Variants in LPP observed in about 807,000 individuals in gnomAD.
The protein encoded by LPP is LIM domain containing preferred translocation partner in lipoma.
In LPP, 38 loss-of-function variants were observed where a neutral mutation model predicts 60.4. The observed-to-expected ratio is 0.63, with a 90% confidence interval of 0.49 to 0.83. The LOEUF (loss-of-function observed/expected upper bound fraction) is 0.83, where lower values mean the gene tolerates loss of function less well. Among genes scored for constraint, LPP ranks in the 40% least tolerant of loss-of-function variants. LPP has a pLI of 0.00. For missense variants in LPP, 902 were observed against 783.6 expected, an observed-to-expected ratio of 1.15 and a Z score of -1.80; for synonymous variants, 328 against 290.8, an observed-to-expected ratio of 1.13 and a Z score of -1.30.
At chr3:188,347,044 A>G (rs914671278) in intron 3 of LPP, among the ~76,000 whole-genome samples, 27 of 152,240 alleles carry the variant, frequency 1.8e-4, no homozygotes, top group Non-Finnish European at 3.8e-4. Flanking sequence ...ATTATTGTAT[A>G]TAATCCTATA....
chr3:188,846,982 TC>T (rs1209817086), intron 9 of LPP, among the ~76,000 whole-genome samples: 9 of 152,290 alleles, frequency 5.9e-5, no homozygotes, highest in Non-Finnish European at 1.3e-4. Context: ...TGCCCTGAGG[TC>T]AGATACCTAT....
intron 9 of LPP, among the ~76,000 whole-genome samples, chr3:188,792,787 C>T (rs767053133): frequency 6.6e-6 from 1 of 152,278 alleles, no homozygotes; most frequent in Non-Finnish European, 1.5e-5. Flanking sequence ...TCTGCTCAGT[C>T]ACCCACCCTG....
At chr3:188,761,182 C>G (rs2150499807) in intron 9 of LPP, among the ~76,000 whole-genome samples, 1 of 152,216 alleles carries the variant, frequency 6.6e-6, no homozygotes, top group South Asian at 2.1e-4. Context: ...CCTCAGTGCC[C>G]AGAGATTTCA....
intron 4 of LPP, among the ~76,000 whole-genome samples, chr3:188,451,038 G>GTGTTTTT (rs1213878709): frequency 6.6e-6 from 1 of 152,010 alleles, no homozygotes; most frequent in African/African-American, 2.4e-5. Flanking sequence ...ACTAGGCTCT[G>GTGTTTTT]TGTTTTTTGT....
intron 7 of LPP, among the ~76,000 whole-genome samples, chr3:188,677,868 G>A (rs935327242): frequency 1.3e-5 from 2 of 152,082 alleles, no homozygotes; most frequent in African/African-American, 4.8e-5. Context: ...CTAGGTCTGG[G>A]TGGTTGCCTG....
At chr3:188,726,582 T>C (rs2149968993) in intron 8 of LPP, among the ~76,000 whole-genome samples, 1 of 152,230 alleles carries the variant, frequency 6.6e-6, no homozygotes, top group African/African-American at 2.4e-5. Flanking sequence ...TTGAGAAAAT[T>C]ATGCAGGAGA....
chr3:188,401,124 C>G (rs1782139769), intron 3 of LPP, among the ~76,000 whole-genome samples: 1 of 152,176 alleles, frequency 6.6e-6, no homozygotes, highest in Non-Finnish European at 1.5e-5. Flanking sequence ...CACAGGGACT[C>G]TATGTCTATA....
At chr3:188,564,496 T>C (rs1436567835) in intron 6 of LPP, among the ~76,000 whole-genome samples, 1 of 152,024 alleles carries the variant, frequency 6.6e-6, no homozygotes, top group African/African-American at 2.4e-5. Flanking sequence ...TTAGTCATTT[T>C]TTAAAACCAT....
At chr3:188,162,485 A>G (rs183388577) in intron 1 of LPP, among the ~76,000 whole-genome samples, 207 of 152,354 alleles carry the variant, frequency 1.4e-3, no homozygotes, top group Non-Finnish European at 1.3e-3. Context: ...ACTATATTCA[A>G]GGCTTTGGAA....
intron 8 of LPP, among the ~76,000 whole-genome samples, chr3:188,739,892 T>C (rs1479537310): frequency 6.6e-6 from 1 of 152,080 alleles, no homozygotes; most frequent in Non-Finnish European, 1.5e-5. Context: ...TATAATAATC[T>C]CTGAAAGTTA....
chr3:188,643,475 A>G (rs1005748517), intron 7 of LPP, among the ~76,000 whole-genome samples: 1 of 152,236 alleles, frequency 6.6e-6, no homozygotes, highest in Non-Finnish European at 1.5e-5. Context: ...TGCTGAAGAC[A>G]TATTATAAAA....
intron 5 of LPP, among the ~76,000 whole-genome samples, chr3:188,493,150 G>T (rs1449392514): frequency 6.6e-6 from 1 of 152,074 alleles, no homozygotes; most frequent in Non-Finnish European, 1.5e-5. Flanking sequence ...TATCTAAAAT[G>T]AGTTGTTATT....
At chr3:188,517,974 T>G (rs529987984) in intron 5 of LPP, among the ~76,000 whole-genome samples, 40 of 152,138 alleles carry the variant, frequency 2.6e-4, no homozygotes, top group Non-Finnish European at 4.3e-4. Flanking sequence ...CTCTCCTCGC[T>G]CTCTCTTCCG....
chr3:188,275,190 A>G (rs1412150776), intron 2 of LPP, among the ~76,000 whole-genome samples: 2 of 152,216 alleles, frequency 1.3e-5, no homozygotes, highest in African/African-American at 2.4e-5. Context: ...AGATTAAAAC[A>G]TAACTGTACA....
chr3:188,448,614 C>G (rs1453311443), intron 4 of LPP, among the ~76,000 whole-genome samples: 1 of 152,060 alleles, frequency 6.6e-6, no homozygotes, highest in East Asian at 1.9e-4. Context: ...TCAGTTTTGC[C>G]TAGGACGTTC....
At chr3:188,804,403 A>G (rs897189332) in intron 9 of LPP, among the ~76,000 whole-genome samples, 7 of 150,996 alleles carry the variant, frequency 4.6e-5, no homozygotes, top group Admixed American at 1.3e-4. Flanking sequence ...CAAATACTGC[A>G]TGTGGTCACT....
intron 4 of LPP, among the ~76,000 whole-genome samples, chr3:188,425,372 A>G (rs1354136182): frequency 6.6e-6 from 1 of 152,186 alleles, no homozygotes; most frequent in Non-Finnish European, 1.5e-5. Context: ...GGATTTTCAC[A>G]ATGATGTTCA....
In LPP at chr3:188,830,650, C is replaced by T. The variant is rs1269435345; in HGVS notation, c.1411-35550C>T. ...CTTCCCCACACCCACCCCCAACGAA[C>T]GAACAAACACACTTAGGAAATAGGG... On this transcript the variant is annotated intron_variant, in intron 9 of 11. Coordinates refer to ENST00000617246, the MANE Select transcript of LPP (RefSeq NM_001375462.1). 2.4e-4 allele frequency among the ~76,000 whole-genome samples: 36 copies of T among 151,860 alleles called. 1 individual carries two copies. The highest frequency in any genetic ancestry group is 5.9e-5 in the Non-Finnish European group (4 of 67,960).
intron 6 of LPP, among the ~76,000 whole-genome samples, chr3:188,560,032 C>T (rs183625334): frequency 4.6e-5 from 7 of 152,222 alleles, no homozygotes; most frequent in Admixed American, 4.6e-4. Context: ...TCTGGTTCCA[C>T]CACTCAGCAG....
Sources: allele counts gnomAD v4.1 joint callset (sites outside exome capture counted in the v4.1 genomes callset), GRCh38; gene constraint gnomAD v4.1.1; transcripts MANE v1.5; gene names NCBI Gene and HGNC (gene_info 2026-07-23, HGNC 2026-07-21).